The following DOCK1 variants were observed in gnomAD, a reference collection of about 807,000 sequenced individuals.
DOCK1 encodes dedicator of cytokinesis 1, also known as dedicator of cytokinesis protein 1.
DOCK1 carries 138 observed loss-of-function variants against 262.7 expected under a neutral mutation model. The ratio of observed to expected loss-of-function variants is 0.53; its 90% CI spans 0.46 to 0.61. DOCK1 has a LOEUF of 0.61. DOCK1 is among the 20% of genes least tolerant of loss of function. The probability of loss-of-function intolerance (pLI) is 0.00; values close to 1 mark genes in which losing one functional copy is unlikely to be tolerated. For missense variants in DOCK1, 1,908 were observed against 2,370.7 expected (o/e 0.80, Z 4.05); for synonymous variants, 866 against 867.4 (o/e 1.00, Z 0.03).
intron 1 of DOCK1, among the ~76,000 whole-genome samples, chr10:126,965,308 C>T (rs914051076): frequency 2.6e-5 from 4 of 151,970 alleles, no homozygotes; most frequent in East Asian, 1.9e-4. Context: ...TGCAGAGGAG[C>T]GTGTGGCAGG....
chr10:126,969,439 C>T (rs1237932445), intron 1 of DOCK1, among the ~76,000 whole-genome samples: 1 of 152,192 alleles, frequency 6.6e-6, no homozygotes, highest in Non-Finnish European at 1.5e-5. Flanking sequence ...CCTTCCTGTC[C>T]TTGGAGGTGT....
chr10:127,091,166 GT>G (rs1239276515), intron 23 of DOCK1, among the ~76,000 whole-genome samples: 3 of 151,996 alleles, frequency 2.0e-5, no homozygotes, highest in Non-Finnish European at 4.4e-5. Context: ...TGCATTTTTA[GT>G]AGAGACGGGG....
At chr10:127,253,294 G>C (rs2059717034) in intron 28 of DOCK1, among the ~76,000 whole-genome samples, 1 of 152,166 alleles carries the variant, frequency 6.6e-6, no homozygotes, top group Admixed American at 6.5e-5. Context: ...CTTGCCACTT[G>C]TCACAAATTC....
chr10:126,999,387 A>T lies in DOCK1; in HGVS notation c.801A>T (p.Gly267=). The change falls in exon 9 of 52, where the codon GGA becomes GGT. Residue 267 remains glycine, a synonymous_variant. Transcript: ENST00000623213. ...ACCTGGTTCGCTGGTCCAGTTCAGGATTACCTAAAGACATAGACAGATTAC... is the reference window on the plus strand; with the variant it reads ...ACCTGGTTCGCTGGTCCAGTTCAGGTTTACCTAAAGACATAGACAGATTAC... The part of the protein sequence containing the change: ...ENYLVRWSSS[G]LPKDIDRLHN... 1 of 1,613,576 alleles carries T rather than the reference A, an allele frequency of 6.2e-7. No individual in the cohort carries two copies. Among genetic ancestry groups the T allele is most frequent in the Non-Finnish European group, 8.5e-7 (1 of 1,179,722 alleles).
chr10:127,393,152 A>G (rs1489347455), intron 38 of DOCK1, among the ~76,000 whole-genome samples: 6 of 152,104 alleles, frequency 3.9e-5, no homozygotes, highest in Non-Finnish European at 8.8e-5. Context: ...TCTTACATGT[A>G]TTTCATTTTA....
intron 1 of DOCK1, among the ~76,000 whole-genome samples, chr10:126,921,500 A>G (rs542584063): frequency 6.6e-6 from 1 of 152,304 alleles, no homozygotes; most frequent in South Asian, 2.1e-4. Context: ...AATGTCCAGA[A>G]TAGGCAAATC....
chr10:127,006,682 A>C (rs1449669639), intron 10 of DOCK1, among the ~76,000 whole-genome samples: 1 of 151,944 alleles, frequency 6.6e-6, no homozygotes. Context: ...GGTGTTTTCC[A>C]CCTGTGGGTG....
chr10:127,111,541 C>T (rs893650299), intron 25 of DOCK1, among the ~76,000 whole-genome samples: 4 of 152,156 alleles, frequency 2.6e-5, no homozygotes, highest in African/African-American at 7.2e-5. Context: ...CTGAATTGCC[C>T]ACTCACCAGG....
chr10:127,397,395 C>T (rs1412161537), intron 38 of DOCK1, among the ~76,000 whole-genome samples: 9 of 150,894 alleles, frequency 6.0e-5, no homozygotes, highest in Non-Finnish European at 1.2e-4. Flanking sequence ...CCTATGTGAT[C>T]TGAGCATGAG....
chr10:127,263,442 G>T (rs2060249468), intron 29 of DOCK1, among the ~76,000 whole-genome samples: 1 of 59,702 alleles, frequency 1.7e-5, no homozygotes, highest in Non-Finnish European at 3.4e-5. Context: ...TGTTCACTTG[G>T]TTATGTCCAA....
chr10:126,924,130 A>T (rs1166418251), intron 1 of DOCK1, among the ~76,000 whole-genome samples: 3 of 152,060 alleles, frequency 2.0e-5, no homozygotes, highest in Non-Finnish European at 2.9e-5. Context: ...CTAGTTGAGG[A>T]AATGGAGGCT....
At chr10:127,070,817 A>C (rs1474221137) in intron 23 of DOCK1, among the ~76,000 whole-genome samples, 1 of 151,724 alleles carries the variant, frequency 6.6e-6, no homozygotes, top group Non-Finnish European at 1.5e-5. Context: ...CATTATAATC[A>C]ACTCCCAGCT....
chr10:127,440,131 C>T (rs1317530945), intron 49 of DOCK1, among the ~76,000 whole-genome samples: 2 of 120,170 alleles, frequency 1.7e-5, no homozygotes, highest in East Asian at 2.3e-4. Context: ...GGGGAGCAGG[C>T]GTGTCACATG....
chr10:127,044,866 A>C (rs189575898), intron 21 of DOCK1, among the ~76,000 whole-genome samples: 1 of 152,136 alleles, frequency 6.6e-6, no homozygotes, highest in East Asian at 1.9e-4. Flanking sequence ...AAAAAGTACC[A>C]TTTTTTCTTT....
intron 2 of DOCK1, among the ~76,000 whole-genome samples, chr10:126,972,871 A>G (rs2038221855): frequency 6.6e-6 from 1 of 151,480 alleles, no homozygotes; most frequent in Admixed American, 6.6e-5. Context: ...AACCAGCCCC[A>G]GTCCTTAAGC....
At chr10:127,047,938 C>G (rs2044455684) in intron 21 of DOCK1, among the ~76,000 whole-genome samples, 3 of 152,238 alleles carry the variant, frequency 2.0e-5, no homozygotes, top group South Asian at 2.1e-4. Context: ...TGAAGTGTTT[C>G]TAGTTTTTGG....
At chr10:127,354,446 G>A (rs1430709188) in intron 31 of DOCK1, among the ~76,000 whole-genome samples, 2 of 152,206 alleles carry the variant, frequency 1.3e-5, no homozygotes, top group Non-Finnish European at 2.9e-5. Flanking sequence ...GTTCCCACCG[G>A]GGGGAAGATG....
intron 23 of DOCK1, among the ~76,000 whole-genome samples, chr10:127,105,127 A>G (rs1355038940): frequency 6.6e-6 from 1 of 152,178 alleles, no homozygotes; most frequent in African/African-American, 2.4e-5. Context: ...CCCTTGCACA[A>G]ACTTTGTTGC....
chr10:127,070,357 G>A (rs2046154070), intron 23 of DOCK1, among the ~76,000 whole-genome samples: 1 of 137,732 alleles, frequency 7.3e-6, no homozygotes, highest in African/African-American at 2.7e-5. Flanking sequence ...GGGTTCAAAC[G>A]ATTCTCCTGC....
Sources: gnomAD v4.1 joint callset for allele counts (sites outside exome capture counted in the v4.1 genomes callset) on GRCh38, gnomAD v4.1.1 for gene constraint, MANE v1.5 for transcripts, NCBI Gene and HGNC (gene_info 2026-07-23, HGNC 2026-07-21) for gene names.